Variants in PSMD3 observed in about 807,000 individuals in gnomAD.
The protein encoded by PSMD3 is proteasome 26S subunit, non-ATPase 3.
PSMD3 carries 5 observed loss-of-function variants against 62.8 expected under a neutral mutation model. The ratio of observed to expected loss-of-function variants is 0.08; its 90% CI spans 0.04 to 0.17. PSMD3 has a LOEUF of 0.17. Ranked by LOEUF, PSMD3 falls within the 10% of genes least tolerant of loss-of-function variation. The pLI is 1.00. For missense variants in PSMD3, 524 were observed against 713.6 expected (o/e 0.73, Z 3.03); for synonymous variants, 265 against 283.9 (o/e 0.93, Z 0.67).
At position 39,997,679 on chromosome 17, in the gene PSMD3, C is replaced by A; in HGVS notation, c.*98C>A. On this transcript the variant is annotated 3_prime_UTR_variant, in exon 12 of 12. Transcript: ENST00000264639. ...ACTGTCCCCATTTTCCCACACACAG[C>A]TCATATGCTGCATTCGTGCAGGGGG... 2 of 1,377,838 alleles carry A rather than the reference C, an allele frequency of 1.5e-6. No individual in the cohort carries two copies. Among genetic ancestry groups the A allele is most frequent in the Non-Finnish European group, 2.0e-6 (2 of 988,314 alleles). 85.4% of individuals were successfully genotyped at this position (1,377,838 alleles called of 1,614,324 possible).
rs1002762638 is a variant in PSMD3 at position 39,980,872 on chromosome 17, C to T, written c.-99C>T. 1 of 1,088,234 alleles carries T rather than the reference C, an allele frequency of 9.2e-7. No homozygotes were observed. Among genetic ancestry groups the T allele is most frequent in the Non-Finnish European group, 1.3e-6 (1 of 792,910 alleles). 67.4% of individuals were successfully genotyped at this position (1,088,234 alleles called of 1,614,324 possible). A position where few individuals can be genotyped will look rare whatever the true frequency, so the allele number is the denominator to read the frequency against. On this transcript the variant is annotated 5_prime_UTR_variant, in exon 1 of 12. Coordinates refer to ENST00000264639, the MANE Select transcript of PSMD3 (RefSeq NM_002809.4). Reference sequence around the variant, plus strand: ...CATCGTGCGGCCCGACGCTATCTCGCGCTCGTGTGCAGGCCCGGCTCGGCT... The same window carrying T: ...CATCGTGCGGCCCGACGCTATCTCGTGCTCGTGTGCAGGCCCGGCTCGGCT...
At chr17:39,986,549 C>T in intron 2 of PSMD3, 26 bp from the exon 3 acceptor site, 1 of 1,612,896 alleles carries the variant, frequency 6.2e-7, no homozygotes, top group East Asian at 2.2e-5. Flanking sequence ...CTGAGCTTTT[C>T]CATGGTAACT....
intron 4 of PSMD3, 32 bp downstream of exon 4, chr17:39,988,851 C>T (rs760918146): frequency 2.3e-5 from 37 of 1,608,880 alleles, no homozygotes; most frequent in East Asian, 6.7e-5. Context: ...ACTTGGGGTC[C>T]GTGGGGTCAG....
rs1054745712 is a variant in PSMD3, at chr17:39,996,937, G to A, written c.1477-393G>A. The A allele has an allele frequency of 7.5e-6, 3 of 401,324 alleles. No individual in the cohort carries two copies. The highest frequency in any genetic ancestry group is 6.2e-5 in the African/African-American group (3 of 48,172). 24.9% of individuals were successfully genotyped at this position (401,324 alleles called of 1,614,324 possible). A position where few individuals can be genotyped will look rare whatever the true frequency, so the allele number is the denominator to read the frequency against. On this transcript the variant is annotated intron_variant, in intron 10 of 11. Transcript: ENST00000264639. The surrounding 1 kb of genome is among the most constrained non-coding windows in gnomAD (Gnocchi z 5.1). ...AAGCCCTACTCCACGTGACATGCAA[G>A]GCCCTTTGTGACCTGGTCCCTTAGG...
At chr17:39,981,460 C>T (rs1980383775) in intron 1 of PSMD3, among the ~76,000 whole-genome samples, 1 of 152,158 alleles carries the variant, frequency 6.6e-6, no homozygotes, top group African/African-American at 2.4e-5. Flanking sequence ...CTGGGGACTC[C>T]CTCTTTTAAG....
rs781772988 is a variant in PSMD3 at position 39,988,781 on chromosome 17, G to T, written c.648G>T (p.Arg216=). The change falls in exon 4 of 12, where the codon CGG becomes CGT. Residue 216 remains arginine (R), a synonymous_variant. Transcript: ENST00000264639. ...VAAKCYYYHA[R]VYEFLDKLDV... ...CAAAGTGTTACTATTATCACGCCCGGGTCTATGAGTTCCTGGACAAGCTGG... is the reference window on the plus strand; with the variant it reads ...CAAAGTGTTACTATTATCACGCCCGTGTCTATGAGTTCCTGGACAAGCTGG... The T allele has an allele frequency of 1.2e-6, 2 of 1,613,938 alleles. No homozygotes were observed.
At position 39,997,606 on chromosome 17, in the gene PSMD3, G is replaced by A; in HGVS notation, c.*25G>A. ...AGCTGGGGGGCTGGGGAGGGGTAGG[G>A]GGAATGGGGACAGGCTCTTTCCCCC... is the stretch of plus-strand genomic sequence containing the variant. On this transcript the variant is annotated 3_prime_UTR_variant, in exon 12 of 12. Coordinates refer to ENST00000264639, the MANE Select transcript of PSMD3 (RefSeq NM_002809.4). 6.3e-7 allele frequency: 1 copy of A among 1,585,272 alleles called. No individual in the cohort carries two copies. Among genetic ancestry groups the A allele is most frequent in the Non-Finnish European group, 8.7e-7 (1 of 1,155,702 alleles).
At position 39,984,026 on chromosome 17, in the gene PSMD3, C is replaced by T. The variant is rs145269759; in HGVS notation, c.221-268C>T. Among the ~76,000 whole-genome samples, 1,300 of 152,032 alleles carry T rather than the reference C, an allele frequency of 8.6e-3. 23 individuals carry two copies. The highest frequency in any genetic ancestry group is 0.03 in the African/African-American group (1,229 of 41,458). ...CATCCTGGCTAACACGGTGAAACCC[C>T]GTCTCTACTAAAAATACAAAAAATT... On this transcript the variant is annotated intron_variant, in intron 1 of 11. Transcript: ENST00000264639.
chr17:39,987,322 C>T (rs893882042), intron 3 of PSMD3, among the ~76,000 whole-genome samples: 8 of 152,148 alleles, frequency 5.3e-5, no homozygotes, highest in Non-Finnish European at 1.0e-4. Flanking sequence ...TGGTTTGTTT[C>T]CTTTCCTTAC....
intron 11 of PSMD3, 44 bp from the exon 12 acceptor site, chr17:39,997,460 C>CCG: frequency 9.7e-7 from 1 of 1,031,810 alleles, no homozygotes; most frequent in Non-Finnish European, 1.4e-6. Flanking sequence ...TCTGGAAGGG[C>CCG]TGAGCTGCTC....
In PSMD3 at chr17:39,984,501, A is replaced by C. The variant is rs1980475134; in HGVS notation, c.411+17A>C. The C allele has an allele frequency of 6.2e-7, 1 of 1,601,830 alleles. No individual in the cohort carries two copies. The highest frequency in any genetic ancestry group is 2.2e-5 in the East Asian group (1 of 44,692). ...CTGGAAGAGGTGAGTGAGTCAGGCC[A>C]ACTTAAAGGGTGCAGGCCTGGCCTC... On this transcript the variant is annotated intron_variant, in intron 2 of 11. Coordinates refer to ENST00000264639, the MANE Select transcript of PSMD3 (RefSeq NM_002809.4).
intron 2 of PSMD3, 131 bp from the exon 3 acceptor site, chr17:39,986,444 T>A: frequency 8.8e-7 from 1 of 1,139,686 alleles, no homozygotes; most frequent in Non-Finnish European, 1.3e-6. Flanking sequence ...TTTTTATCCC[T>A]AGCACCTAAC....
In PSMD3 at chr17:39,995,806, A is replaced by G; in HGVS notation, c.1320+279A>G. The G allele has an allele frequency of 5.9e-6, 3 of 511,996 alleles. No individual in the cohort carries two copies. Among genetic ancestry groups the G allele is most frequent in the Non-Finnish European group, 1.1e-5 (3 of 282,492 alleles). The allele number at this position is 511,996 out of a possible 1,614,324, so 31.7% of individuals were successfully genotyped here. A position where few individuals can be genotyped will look rare whatever the true frequency, so the allele number is the denominator to read the frequency against. On this transcript the variant is annotated intron_variant, in intron 9 of 11. Coordinates refer to ENST00000264639, the MANE Select transcript of PSMD3 (RefSeq NM_002809.4). This position sits in a 1 kb window ranked among gnomAD's most constrained non-coding sequence, Gnocchi z 4.1. The stretch of plus-strand genomic sequence containing the variant: ...GGGCAGAGGAATGGGATGGAACAAG[A>G]TGTTCTCTGACTTAGAAGATGGGCG...
At position 39,981,065 on chromosome 17, in the gene PSMD3, C is replaced by T; in HGVS notation, c.95C>T (p.Pro32Leu). 6.5e-7 allele frequency: 1 copy of T among 1,550,324 alleles called. No homozygotes were observed. The highest frequency in any genetic ancestry group is 8.7e-7 in the Non-Finnish European group (1 of 1,146,746). The change falls in exon 1 of 12, where the codon CCC (proline) becomes CTC (leucine). Residue 32 changes from proline (P) to leucine (L), a missense_variant. By Grantham distance (98) the Pro-to-Leu change is moderately conservative. Transcript: ENST00000264639. ...GEQEPPPPPA[P>L]QDVEMKEEAA... ...CAAGAACCCCCACCGCCGCCGGCCC[C>T]CCAGGATGTGGAGATGAAAGAGGAG...
chr17:39,990,389 A>G (rs1980627974), intron 6 of PSMD3, among the ~76,000 whole-genome samples, 192 bp downstream of exon 6: 1 of 151,048 alleles, frequency 6.6e-6, no homozygotes, highest in African/African-American at 2.4e-5. Context: ...ATTCCCTACC[A>G]CTTCAGTTCT....
intron 3 of PSMD3, 30 bp downstream of exon 3, chr17:39,986,742 A>G (rs772502478): frequency 1.2e-6 from 2 of 1,612,322 alleles, no homozygotes; most frequent in South Asian, 1.1e-5. Flanking sequence ...AGCGATTCAT[A>G]AGCCCCAAGT....
At chr17:39,984,573 T>C (rs989364363) in intron 2 of PSMD3, 89 bp downstream of exon 2, 9 of 1,281,782 alleles carry the variant, frequency 7.0e-6, no homozygotes, top group Middle Eastern at 2.8e-4. Flanking sequence ...TCCCATCTTA[T>C]TACCTGTGGT....
rs775325002 is a variant in PSMD3, at chr17:39,995,407, G to A, written c.1217-17G>A. ...CTGTGTCCACTCTGCCCACCCCATC[G>A]CTCCTTCCTCTCCCAGGTGTACGCA... On this transcript the variant is annotated splice_polypyrimidine_tract_variant and intron_variant, in intron 8 of 11. Coordinates refer to ENST00000264639, the MANE Select transcript of PSMD3 (RefSeq NM_002809.4). The surrounding 1 kb of genome is among the most constrained non-coding windows in gnomAD (Gnocchi z 4.1). 8 of 1,612,604 alleles carry A rather than the reference G, an allele frequency of 5.0e-6. No homozygotes were observed. The highest frequency in any genetic ancestry group is 2.2e-5 in the South Asian group (2 of 91,056).
intron 2 of PSMD3, among the ~76,000 whole-genome samples, chr17:39,985,911 G>A (rs1009352157): frequency 2.6e-5 from 4 of 152,104 alleles, no homozygotes; most frequent in Non-Finnish European, 2.9e-5. Context: ...GAATTATTTC[G>A]TTCAGCCCTG....
Sources: gnomAD v4.1 joint callset for allele counts (sites outside exome capture counted in the v4.1 genomes callset) on GRCh38, gnomAD v4.1.1 for gene constraint, Gnocchi (gnomAD v3.1) non-coding constraint, MANE v1.5 for transcripts, NCBI Gene and HGNC (gene_info 2026-07-23, HGNC 2026-07-21) for gene names.